Variants in ARMC9 observed in about 807,000 individuals in gnomAD.
ARMC9 encodes armadillo repeat containing 9, also known as lisH domain-containing protein ARMC9.
A neutral mutation model predicts 107.0 loss-of-function variants in ARMC9; 94 were observed. The observed-to-expected ratio is 0.88, with a 90% CI of 0.74 to 1.04. The LOEUF is 1.04. ARMC9 is among the 50% of genes least tolerant of loss of function. ARMC9 has a pLI of 0.00. For missense variants in ARMC9, 942 were observed against 1,030.1 expected (o/e 0.91, Z 1.17); for synonymous variants, 380 against 396.9 (o/e 0.96, Z 0.51).
intron 24 of ARMC9, chr2:231,370,943 C>G (rs2045995724): frequency 2.5e-6 from 1 of 396,014 alleles, no homozygotes; most frequent in African/African-American, 2.1e-5. Context: ...CCTGGCCAGG[C>G]CCTGGGCGCT....
chr2:231,302,131 T>C (rs961124157), intron 19 of ARMC9, among the ~76,000 whole-genome samples: 4 of 152,132 alleles, frequency 2.6e-5, no homozygotes, highest in Non-Finnish European at 4.4e-5. Flanking sequence ...ATTAAATATG[T>C]TATGCATAGG....
In ARMC9 at chr2:231,324,868, G is replaced by A. The variant is rs919714281; in HGVS notation, c.1774-6925G>A. Among the ~76,000 whole-genome samples, 3 of 152,036 alleles carry A rather than the reference G, an allele frequency of 2.0e-5. No homozygotes were observed. In the South Asian group the frequency reaches 6.2e-4, roughly 32 times the overall value. ...GGCAGAAGATCGCTTGAGCCCAGGA[G>A]TTCAAGTCCAGCCTGAGCAACATAG... On this transcript the variant is annotated intron_variant, in intron 19 of 24. Transcript: ENST00000611582.
chr2:231,285,477 C>A (rs187265899), intron 17 of ARMC9, among the ~76,000 whole-genome samples: 4 of 152,052 alleles, frequency 2.6e-5, no homozygotes, highest in East Asian at 1.9e-4. Context: ...GAAACCCTGT[C>A]TCTACTAAAA....
At chr2:231,294,318 C>G (rs2041214377) in intron 18 of ARMC9, 2 of 152,358 alleles carry the variant, frequency 1.3e-5, no homozygotes, top group Admixed American at 1.3e-4. Flanking sequence ...ACAATGCCAG[C>G]CCTCAGGGAG....
chr2:231,246,412 G>A (rs1347576992), intron 9 of ARMC9, among the ~76,000 whole-genome samples: 3 of 152,140 alleles, frequency 2.0e-5, no homozygotes, highest in African/African-American at 7.2e-5. Context: ...GTGTCCTTGA[G>A]TGCTCAGTGT....
Position 231,362,689 on chromosome 2 carries a change from C to T in ARMC9, c.2261+1806C>T, listed in dbSNP as rs1463989949. ...AAGTTGTTCCATCTTCCTCTTCCTC[C>T]CTCACTGGCAACGTCATCTAGAATA... On this transcript the variant is annotated intron_variant, in intron 23 of 24. Coordinates refer to ENST00000611582, the MANE Select transcript of ARMC9 (RefSeq NM_001352754.2). The surrounding 1 kb of genome is among the most constrained non-coding windows in gnomAD (Gnocchi z 4.7). 1.3e-5 allele frequency: 2 copies of T among 152,524 alleles called. No homozygotes were observed. Among genetic ancestry groups the T allele is most frequent in the African/African-American group, 2.4e-5 (1 of 40,934 alleles). The allele number at this position is 152,524 out of a possible 1,614,324, so 9.4% of individuals were successfully genotyped here.
chr2:231,281,488 C>G (rs2040215971), intron 16 of ARMC9, among the ~76,000 whole-genome samples: 1 of 152,128 alleles, frequency 6.6e-6, no homozygotes, highest in Non-Finnish European at 1.5e-5. Flanking sequence ...ACCTTTCCAA[C>G]TGGGCTCTAT....
At chr2:231,264,324 G>A (rs1323655788) in intron 12 of ARMC9, among the ~76,000 whole-genome samples, 6 of 142,104 alleles carry the variant, frequency 4.2e-5, no homozygotes, top group South Asian at 4.5e-4. Flanking sequence ...GATTACAGGC[G>A]CCCGCCACCA....
At position 231,335,588 on chromosome 2, in the gene ARMC9, T is replaced by C. The variant is rs1304474208; in HGVS notation, c.1878+3691T>C. On this transcript the variant is annotated intron_variant, in intron 20 of 24. Coordinates refer to ENST00000611582, the MANE Select transcript of ARMC9 (RefSeq NM_001352754.2). ...AAAGCTAGGGACAGAGAATAGGTCATGCTTCCAAGGCTTGCGGGAGAGTAG... is the reference window on the plus strand; with the variant it reads ...AAAGCTAGGGACAGAGAATAGGTCACGCTTCCAAGGCTTGCGGGAGAGTAG... Among the ~76,000 whole-genome samples the C allele has an allele frequency of 2.6e-5, 4 of 152,204 alleles. No individual in the cohort carries two copies. The South Asian group carries it at 8.3e-4, about 31-fold the overall frequency.
intron 16 of ARMC9, among the ~76,000 whole-genome samples, chr2:231,280,051 A>G (rs2040086775): frequency 6.6e-6 from 1 of 152,200 alleles, no homozygotes; most frequent in Non-Finnish European, 1.5e-5. Context: ...CTTCCATCTC[A>G]TAATAAAGGT....
Position 231,273,080 on chromosome 2 carries a change from T to C in ARMC9, c.1334+2T>C, listed in dbSNP as rs756965857. 6.2e-7 allele frequency: 1 copy of C among 1,612,624 alleles called. No homozygotes were observed. The highest frequency in any genetic ancestry group is 1.7e-5 in the Admixed American group (1 of 59,912). Reference sequence around the variant, plus strand: ...GGCCCTGCAGAAGTTCAGTCTCAGGTAACGACTGTGCAATAGGTCACGGTG... The same window carrying C: ...GGCCCTGCAGAAGTTCAGTCTCAGGCAACGACTGTGCAATAGGTCACGGTG... On this transcript the variant is annotated splice_donor_variant, in intron 14 of 24. Coordinates refer to ENST00000611582, the MANE Select transcript of ARMC9 (RefSeq NM_001352754.2). LOFTEE classifies it high-confidence loss of function.
chr2:231,248,562 C>G (rs1559349148), intron 9 of ARMC9, among the ~76,000 whole-genome samples: 4 of 151,970 alleles, frequency 2.6e-5, no homozygotes, highest in African/African-American at 4.8e-5. Flanking sequence ...GTAATCCCAG[C>G]CTTTGGGAGG....
rs147080561 is a variant in ARMC9 at position 231,344,988 on chromosome 2, C to A, written c.1892C>A (p.Thr631Lys). 1.9e-6 allele frequency: 3 copies of A among 1,613,954 alleles called. No homozygotes were observed. Among genetic ancestry groups the A allele is most frequent in the Non-Finnish European group, 2.5e-6 (3 of 1,179,986 alleles). Reference sequence around the variant, plus strand: ...TCCTTCCACCAGATCATGACCAACACGGGGAAGACAAGGCGGAAGGGGCTG... The same window carrying A: ...TCCTTCCACCAGATCATGACCAACAAGGGGAAGACAAGGCGGAAGGGGCTG... ...TTEYLGIMTN[T>K]GKTRRKGLAN... Residue 631 changes from threonine to lysine, a missense_variant, in exon 21 of 25, where the codon ACG becomes AAG. Transcript: ENST00000611582.
At chr2:231,269,986 G>T (rs2039184151) in intron 12 of ARMC9, among the ~76,000 whole-genome samples, 2 of 151,046 alleles carry the variant, frequency 1.3e-5, no homozygotes, top group South Asian at 4.2e-4. Flanking sequence ...AAGCCATTGA[G>T]TGTGATGGTG....
Position 231,241,525 on chromosome 2 carries a change from T to G in ARMC9, c.879+1484T>G, listed in dbSNP as rs371726128. Among the ~76,000 whole-genome samples the G allele has an allele frequency of 1.7e-4, 26 of 152,246 alleles. No homozygotes were observed. In the East Asian group the frequency reaches 1.9e-3, roughly 11 times the overall value. ...TTGGAATGAGGCTCCTGTGTGATCCTGAGACAGCCCTGTGGGTCAGAGCCA... is the reference window on the plus strand; with the variant it reads ...TTGGAATGAGGCTCCTGTGTGATCCGGAGACAGCCCTGTGGGTCAGAGCCA... On this transcript the variant is annotated intron_variant, in intron 9 of 24. Transcript: ENST00000611582.
At chr2:231,320,621 G>A (rs553296174) in intron 19 of ARMC9, among the ~76,000 whole-genome samples, 1 of 152,000 alleles carries the variant, frequency 6.6e-6, no homozygotes, top group East Asian at 1.9e-4. Flanking sequence ...TCCACTCGCT[G>A]GTCTTTCTTC....
chr2:231,360,958 G>A lies in ARMC9; in HGVS notation c.2261+75G>A. On this transcript the variant is annotated intron_variant, in intron 23 of 24. Coordinates refer to ENST00000611582, the MANE Select transcript of ARMC9 (RefSeq NM_001352754.2). The surrounding 1 kb of genome is among the most constrained non-coding windows in gnomAD (Gnocchi z 4.7). ...GTGGGCGCCCCACGCCGGATGCAGA[G>A]CACCCAGGAGACCTGGAAGGCTCCT... is the stretch of plus-strand genomic sequence containing the variant. The A allele has an allele frequency of 6.9e-7, 1 of 1,448,872 alleles. No homozygotes were observed. Among genetic ancestry groups the A allele is most frequent in the Non-Finnish European group, 9.0e-7 (1 of 1,107,418 alleles). 89.8% of individuals were successfully genotyped at this position (1,448,872 alleles called of 1,614,324 possible). A position where few individuals can be genotyped will look rare whatever the true frequency, so the allele number is the denominator to read the frequency against.
intron 12 of ARMC9, 47 bp from the exon 13 acceptor site, chr2:231,270,935 C>T (rs770335103): frequency 2.6e-6 from 4 of 1,544,958 alleles, no homozygotes; most frequent in Non-Finnish European, 3.6e-6. Flanking sequence ...GTGTGTTTAT[C>T]TCTCCGTGTT....
chr2:231,366,453 T>TGTGGGAGGCCAAG (rs2045820811), intron 23 of ARMC9, among the ~76,000 whole-genome samples: 3 of 152,268 alleles, frequency 2.0e-5, no homozygotes, highest in African/African-American at 4.8e-5. Context: ...ATCCTGGCAC[T>TGTGGGAGGCCAAG]GTGGGAGGCC....
Sources: gnomAD v4.1 joint callset for allele counts (sites outside exome capture counted in the v4.1 genomes callset) on GRCh38, gnomAD v4.1.1 for gene constraint, Gnocchi (gnomAD v3.1) non-coding constraint, MANE v1.5 for transcripts, NCBI Gene and HGNC (gene_info 2026-07-23, HGNC 2026-07-21) for gene names.